The following NEDD8 variants were observed in gnomAD, a reference collection of about 807,000 sequenced individuals.
The protein encoded by NEDD8 is NEDD8 ubiquitin like modifier, also known as ubiquitin-like protein NEDD8.
Under a neutral mutation model 13.8 loss-of-function variants are expected in NEDD8, and 1 was observed. That is an observed-to-expected ratio of 0.07 (90% CI 0.03 to 0.34). The LOEUF (loss-of-function observed/expected upper bound fraction) is 0.34, where lower values mean the gene tolerates loss of function less well. NEDD8 is among the 10% of genes least tolerant of loss of function. The pLI, the probability that NEDD8 is intolerant of heterozygous loss-of-function variation, is 0.99. For synonymous variants in NEDD8, 31 were observed against 33.2 expected (o/e 0.93, Z 0.23); for missense variants, 10 against 95.2 (o/e 0.10, Z 3.73).
intron 1 of NEDD8, among the ~76,000 whole-genome samples, chr14:24,231,192 A>G (rs749416945): frequency 8.5e-5 from 13 of 152,130 alleles, no homozygotes; most frequent in Admixed American, 2.6e-4. Context: ...CGCCCAGCCT[A>G]TTTTCTCTTT....
intron 1 of NEDD8, 180 bp from the exon 2 acceptor site, chr14:24,218,611 G>T: frequency 2.4e-6 from 2 of 840,298 alleles, no homozygotes; most frequent in Non-Finnish European, 1.9e-6. Flanking sequence ...ATATTTTTAG[G>T]CTGTAAACAA....
intron 1 of NEDD8, among the ~76,000 whole-genome samples, chr14:24,225,154 A>G (rs2039869529): frequency 6.9e-6 from 1 of 145,068 alleles, no homozygotes. Context: ...CCTGGGTGAC[A>G]GAGCAAGACT....
intron 1 of NEDD8, among the ~76,000 whole-genome samples, chr14:24,219,066 G>C (rs1323030833): frequency 6.6e-6 from 1 of 151,966 alleles, no homozygotes; most frequent in Non-Finnish European, 1.5e-5. Context: ...CTTAAAAAAA[G>C]TCAGAAGGAC....
At chr14:24,224,481 C>T (rs964723553) in intron 1 of NEDD8, among the ~76,000 whole-genome samples, 8 of 152,176 alleles carry the variant, frequency 5.3e-5, no homozygotes, top group African/African-American at 1.7e-4. Context: ...CAGGTGTGAG[C>T]CACTGTACCC....
chr14:24,227,622 A>G (rs1433434751), intron 1 of NEDD8: 1 of 152,244 alleles, frequency 6.6e-6, no homozygotes, highest in Non-Finnish European at 1.5e-5. Flanking sequence ...CAGACACCTG[A>G]ATGATTGATG....
chr14:24,227,673 CAGA>C (rs1263797005), intron 1 of NEDD8: 1 of 152,120 alleles, frequency 6.6e-6, no homozygotes, highest in Non-Finnish European at 1.5e-5. Flanking sequence ...TGGCTTATGA[CAGA>C]AGATGATGCA....
chr14:24,231,014 C>T (rs1199719109), intron 1 of NEDD8, among the ~76,000 whole-genome samples: 1 of 152,112 alleles, frequency 6.6e-6, no homozygotes, highest in Non-Finnish European at 1.5e-5. Flanking sequence ...CTCGGCCTCC[C>T]GAATAGCTGG....
chr14:24,219,734 G>C (rs1480306991), intron 1 of NEDD8, among the ~76,000 whole-genome samples: 1 of 152,070 alleles, frequency 6.6e-6, no homozygotes, highest in Non-Finnish European at 1.5e-5. Context: ...AGTGATCCAG[G>C]CCACAAACAC....
intron 1 of NEDD8, among the ~76,000 whole-genome samples, chr14:24,226,155 C>G (rs550693638): frequency 1.5e-4 from 23 of 151,596 alleles, no homozygotes; most frequent in Non-Finnish European, 2.9e-4. Context: ...GATGTACAAC[C>G]AAGAAACAAT....
At position 24,232,063 on chromosome 14, in the gene NEDD8, G is replaced by C. The variant is rs574218149; in HGVS notation, c.18+187C>G. 120 of 848,032 alleles carry C rather than the reference G, an allele frequency of 1.4e-4. No individual in the cohort carries two copies. The South Asian group carries it at 2.1e-3, about 15-fold the overall frequency. The allele number at this position is 848,032 out of a possible 1,614,324, so 52.5% of individuals were successfully genotyped here. A position where few individuals can be genotyped will look rare whatever the true frequency, so the allele number is the denominator to read the frequency against. ...AAAATACCCCAGGGTCGTCAGGTGGGACCTGGGCCCCGCTCTCAAAGCCCT... is the reference window on the plus strand; with the variant it reads ...AAAATACCCCAGGGTCGTCAGGTGGCACCTGGGCCCCGCTCTCAAAGCCCT... On this transcript the variant is annotated intron_variant, in intron 1 of 3. Transcript: ENST00000250495.
At chr14:24,222,789 C>T (rs1016339474) in intron 1 of NEDD8, among the ~76,000 whole-genome samples, 1 of 152,022 alleles carries the variant, frequency 6.6e-6, no homozygotes, top group South Asian at 2.1e-4. Context: ...TTCATATTTA[C>T]ATCACATGTA....
chr14:24,218,079 C>T, intron 3 of NEDD8, 54 bp downstream of exon 3: 3 of 1,611,520 alleles, frequency 1.9e-6, no homozygotes, highest in Non-Finnish European at 2.5e-6. Flanking sequence ...GCCCCCTCTC[C>T]TCTTCTCATC....
intron 3 of NEDD8, chr14:24,217,932 G>A (rs2039737012): frequency 2.0e-6 from 1 of 498,722 alleles, no homozygotes; most frequent in Non-Finnish European, 3.5e-6. Flanking sequence ...AATATAATTA[G>A]TTTTCCTTTA....
intron 1 of NEDD8, chr14:24,228,828 T>TATCTTCAGATCAG (rs1466039662): frequency 6.6e-6 from 1 of 151,058 alleles, no homozygotes; most frequent in African/African-American, 2.4e-5. Context: ...CAGATCAGAT[T>TATCTTCAGATCAG]AACAGCTATC....
intron 1 of NEDD8, chr14:24,218,695 C>G: frequency 3.6e-6 from 2 of 552,710 alleles, no homozygotes; most frequent in Non-Finnish European, 6.4e-6. Flanking sequence ...ATCAGTCCCC[C>G]AAAATCAGTG....
At chr14:24,231,428 G>C (rs921652611) in intron 1 of NEDD8, among the ~76,000 whole-genome samples, 4 of 130,214 alleles carry the variant, frequency 3.1e-5, no homozygotes, top group Admixed American at 9.3e-5. Flanking sequence ...GATTTACTTA[G>C]CTACAAAAAG....
At chr14:24,222,952 G>C (rs1364351317) in intron 1 of NEDD8, among the ~76,000 whole-genome samples, 1 of 151,922 alleles carries the variant, frequency 6.6e-6, no homozygotes, top group African/African-American at 2.4e-5. Flanking sequence ...TGGGCATGGT[G>C]GTGGGCGCCT....
chr14:24,226,291 A>C (rs1741730333), intron 1 of NEDD8, among the ~76,000 whole-genome samples: 1 of 152,148 alleles, frequency 6.6e-6, no homozygotes, highest in Non-Finnish European at 1.5e-5. Context: ...CAGGAGTTCG[A>C]GACCAGCATG....
intron 1 of NEDD8, among the ~76,000 whole-genome samples, chr14:24,221,847 C>T (rs55912783): frequency 3.3e-5 from 5 of 152,240 alleles, no homozygotes; most frequent in Non-Finnish European, 5.9e-5. Context: ...CTGCCTGCCT[C>T]GGCCTCCCAA....
Sources: gnomAD v4.1 joint callset for allele counts (sites outside exome capture counted in the v4.1 genomes callset) on GRCh38, gnomAD v4.1.1 for gene constraint, MANE v1.5 for transcripts, NCBI Gene and HGNC (gene_info 2026-07-23, HGNC 2026-07-21) for gene names.